The following BBS2 variants were observed in gnomAD, a reference collection of about 807,000 sequenced individuals.
BBS2 encodes Bardet-Biedl syndrome 2.
Under a neutral mutation model 83.0 loss-of-function variants are expected in BBS2, and 62 were observed. The ratio of observed to expected loss-of-function variants is 0.75; its 90% CI spans 0.61 to 0.92. The LOEUF (loss-of-function observed/expected upper bound fraction) is 0.92, where lower values mean the gene tolerates loss of function less well. Among genes scored for constraint, BBS2 ranks in the 40% least tolerant of loss-of-function variants. The probability of loss-of-function intolerance (pLI) is 0.00; values close to 1 mark genes in which losing one functional copy is unlikely to be tolerated. For synonymous variants in BBS2, 303 were observed against 326.1 expected (o/e 0.93, Z 0.76); for missense variants, 784 against 901.0 (o/e 0.87, Z 1.66).
downstream of BBS2, among the ~76,000 whole-genome samples, chr16:56,483,013 G>A (rs138488683): frequency 6.6e-6 from 1 of 152,310 alleles, no homozygotes; most frequent in Non-Finnish European, 1.5e-5. Flanking sequence ...AGTACAGTCT[G>A]AGAAATGCAT....
At chr16:56,484,212 T>TA (rs1963711597), downstream of BBS2, 1 of 155,064 alleles carries the variant, frequency 6.4e-6, no homozygotes, top group Non-Finnish European at 1.4e-5. Context: ...TTCACCGTGT[T>TA]AGCCAGGATG....
intron 5 of BBS2, among the ~76,000 whole-genome samples, chr16:56,507,133 T>C (rs367644850): frequency 5.3e-5 from 8 of 152,330 alleles, no homozygotes; most frequent in Middle Eastern, 3.4e-3. Flanking sequence ...TACTTCATAC[T>C]GTTCAACTGC....
chr16:56,487,490 A>G (rs1212801356), intron 15 of BBS2, among the ~76,000 whole-genome samples: 5 of 152,036 alleles, frequency 3.3e-5, no homozygotes, highest in Admixed American at 1.3e-4. Flanking sequence ...CAATTATAAA[A>G]TATTTCGTAA....
intron 5 of BBS2, among the ~76,000 whole-genome samples, chr16:56,508,528 C>G (rs762084210): frequency 6.6e-6 from 1 of 152,022 alleles, no homozygotes; most frequent in Non-Finnish European, 1.5e-5. Context: ...CCTGGAAAAC[C>G]AGCAGCAAAT....
intron 4 of BBS2, 111 bp from the exon 5 acceptor site, chr16:56,510,145 A>C (rs767397874): frequency 2.3e-6 from 2 of 860,046 alleles, no homozygotes; most frequent in Non-Finnish European, 3.8e-6. Context: ...GCCACCCAAG[A>C]TTGACAACCT....
chr16:56,475,372 C>T (rs1963412104), intron 17 of BBS2: 1 of 809,330 alleles, frequency 1.2e-6, no homozygotes, highest in South Asian at 1.4e-5. Context: ...AGTTCAAGCT[C>T]ATAAGTCATA....
intron 7 of BBS2, among the ~76,000 whole-genome samples, chr16:56,505,607 A>T (rs1964399992): frequency 6.6e-6 from 1 of 152,238 alleles, no homozygotes; most frequent in South Asian, 2.1e-4. Flanking sequence ...GATGTATTGG[A>T]AAAGAGCTAT....
At chr16:56,500,302 G>A (rs1265008959) in intron 11 of BBS2, 1 of 264,162 alleles carries the variant, frequency 3.8e-6, no homozygotes, top group Non-Finnish European at 7.4e-6. Flanking sequence ...AACATTTTTT[G>A]ATTATGAGAT....
chr16:56,492,485 T>C (rs1395062179), intron 15 of BBS2, among the ~76,000 whole-genome samples: 15 of 152,154 alleles, frequency 9.9e-5, no homozygotes, highest in Admixed American at 6.5e-5. Flanking sequence ...AGTAGAATGA[T>C]AGTTGAAAGA....
chr16:56,482,625 A>G (rs1963681933), downstream of BBS2, among the ~76,000 whole-genome samples: 1 of 152,202 alleles, frequency 6.6e-6, no homozygotes, highest in Non-Finnish European at 1.5e-5. Flanking sequence ...GGCCATCGTA[A>G]AGTGGCCACA....
At position 56,518,432 on chromosome 16, in the gene BBS2, T is replaced by C. The variant is rs148417965; in HGVS notation, c.117+1314A>G. 9.7e-4 allele frequency among the ~76,000 whole-genome samples: 148 copies of C among 152,300 alleles called. 2 individuals carry two copies. In the East Asian group the frequency reaches 0.026, roughly 27 times the overall value. On this transcript the variant is annotated intron_variant, in intron 1 of 16. Coordinates refer to ENST00000245157, the MANE Select transcript of BBS2 (RefSeq NM_031885.5). Reference sequence around the variant, plus strand: ...TTTCTAGTCAATAAAGTGAGAACCATAAAAAGAAAATAACAGGTAACAATC... The same window carrying C: ...TTTCTAGTCAATAAAGTGAGAACCACAAAAAGAAAATAACAGGTAACAATC...
At chr16:56,506,351 A>G in intron 5 of BBS2, 127 bp from the exon 6 acceptor site, 1 of 728,102 alleles carries the variant, frequency 1.4e-6, no homozygotes, top group Non-Finnish European at 2.4e-6. Context: ...AGCGCTTCCA[A>G]TCCATTAGTG....
intron 15 of BBS2, among the ~76,000 whole-genome samples, chr16:56,486,213 G>A (rs949838944): frequency 5.9e-5 from 9 of 152,320 alleles, no homozygotes; most frequent in Admixed American, 3.3e-4. Flanking sequence ...GATACCAAAT[G>A]CTAGCAAAGA....
intron 15 of BBS2, 29 bp downstream of exon 15, chr16:56,496,938 C>T (rs752822439): frequency 2.0e-6 from 3 of 1,495,620 alleles, no homozygotes; most frequent in Non-Finnish European, 2.8e-6. Flanking sequence ...TTTAACCCTG[C>T]ACCTGTACTA....
downstream of BBS2, among the ~76,000 whole-genome samples, chr16:56,480,340 C>CA (rs1253233256): frequency 2.2e-5 from 1 of 45,874 alleles, no homozygotes; most frequent in East Asian, 3.5e-4. Flanking sequence ...CACCCCCTCA[C>CA]ACACACACAC....
intron 1 of BBS2, among the ~76,000 whole-genome samples, chr16:56,516,538 A>G (rs1964753893): frequency 1.3e-5 from 2 of 152,084 alleles, no homozygotes; most frequent in African/African-American, 4.8e-5. Context: ...CTGGGATTAC[A>G]GGGGTGCGCC....
downstream of BBS2, among the ~76,000 whole-genome samples, chr16:56,480,967 A>G (rs1319106021): frequency 6.6e-6 from 1 of 152,166 alleles, no homozygotes; most frequent in Admixed American, 6.5e-5. Context: ...GAGCTAGAGC[A>G]TAGAGTGTGG....
Position 56,502,807 on chromosome 16 carries a change from A to C in BBS2, c.806T>G (p.Val269Gly), listed in dbSNP as rs886039797. ...CCCAGTTCGGTCACTTCGAGCATCA[A>C]CCTACAAATAAAACACAAATTTAAA... ...ELITGWSNGK[V>G]DARSDRTGEV... The change falls in exon 8 of 17, where the codon GTT (valine) becomes GGT (glycine). Residue 269 changes from valine (V) to glycine (G), a missense_variant and splice_region_variant. Transcript: ENST00000245157. 1 of 1,614,210 alleles carries C rather than the reference A, an allele frequency of 6.2e-7. No individual in the cohort carries two copies. The highest frequency in any genetic ancestry group is 1.7e-5 in the Admixed American group (1 of 60,028).
chr16:56,508,043 TCTC>T (rs1695670045), intron 5 of BBS2, among the ~76,000 whole-genome samples: 1 of 152,254 alleles, frequency 6.6e-6, no homozygotes, highest in East Asian at 1.9e-4. Context: ...GGCACCCATT[TCTC>T]CTCTTCATTT....
Sources: gnomAD v4.1 joint callset for allele counts (sites outside exome capture counted in the v4.1 genomes callset) on GRCh38, gnomAD v4.1.1 for gene constraint, MANE v1.5 for transcripts, NCBI Gene and HGNC (gene_info 2026-07-23, HGNC 2026-07-21) for gene names.